Variants in PLCB1 observed in about 807,000 individuals in gnomAD.
PLCB1 encodes 1-phosphatidylinositol 4,5-bisphosphate phosphodiesterase beta-1.
In PLCB1, 46 loss-of-function variants were observed where a neutral mutation model predicts 161.8. The observed-to-expected ratio is 0.28, with a 90% CI of 0.22 to 0.36. The LOEUF (loss-of-function observed/expected upper bound fraction) is 0.36. Among genes scored for constraint, PLCB1 ranks in the 10% least tolerant of loss-of-function variants. The pLI is 1.00. For missense variants in PLCB1, 1,016 were observed against 1,472.5 expected (o/e 0.69, Z 5.07); for synonymous variants, 517 against 503.7 (o/e 1.03, Z -0.35).
chr20:8,459,165 T>C (rs1043662087), intron 3 of PLCB1, among the ~76,000 whole-genome samples: 34 of 152,204 alleles, frequency 2.2e-4, no homozygotes, highest in African/African-American at 7.7e-4. Flanking sequence ...CTTACGCAGC[T>C]AAATTTACAG....
intron 31 of PLCB1, among the ~76,000 whole-genome samples, chr20:8,822,942 A>G (rs946960121): frequency 6.6e-6 from 1 of 152,152 alleles, no homozygotes; most frequent in Non-Finnish European, 1.5e-5. Flanking sequence ...TTGGGGGAAA[A>G]AACGGTGTCT....
At chr20:8,493,092 C>A (rs918021888) in intron 3 of PLCB1, among the ~76,000 whole-genome samples, 2 of 152,088 alleles carry the variant, frequency 1.3e-5, no homozygotes, top group African/African-American at 4.8e-5. Context: ...ACCCCAAGAT[C>A]CCCTTCTGTA....
intron 9 of PLCB1, among the ~76,000 whole-genome samples, chr20:8,662,354 G>GTTTATTATATAATTATGTATAATATA (rs1555781320): frequency 2.0e-4 from 18 of 89,606 alleles, no homozygotes; most frequent in South Asian, 4.2e-4. Context: ...TGTATAATAT[G>GTTTATTATATAATTATGTATAATATA]TAATTATTTA....
intron 31 of PLCB1, among the ~76,000 whole-genome samples, chr20:8,867,597 T>C (rs1987473023): frequency 6.6e-6 from 1 of 152,240 alleles, no homozygotes; most frequent in Admixed American, 6.5e-5. Flanking sequence ...ATTCTTCTGG[T>C]GGTGTCTTTC....
chr20:8,334,249 T>C (rs1985482167), intron 2 of PLCB1, among the ~76,000 whole-genome samples: 3 of 152,116 alleles, frequency 2.0e-5, no homozygotes, highest in Non-Finnish European at 4.4e-5. Context: ...ACATTAGCTT[T>C]AAAGCTAGAT....
intron 31 of PLCB1, among the ~76,000 whole-genome samples, chr20:8,810,718 C>T (rs1450910922): frequency 6.6e-6 from 1 of 152,142 alleles, no homozygotes; most frequent in African/African-American, 2.4e-5. Context: ...AATCCCAGCA[C>T]TTTGGGAGGG....
rs192266055 is a variant in PLCB1, at chr20:8,404,123, T to C, written c.246+32673T>C. On this transcript the variant is annotated intron_variant, in intron 3 of 31. Transcript: ENST00000338037. ...ATAGCAATTAAGATGAATTTTTCTT[T>C]GCAGACAAATTTTATTGAAGGAATA... Among the ~76,000 whole-genome samples the C allele has an allele frequency of 2.6e-5, 4 of 152,322 alleles. No individual in the cohort carries two copies. In the East Asian group the frequency reaches 7.7e-4, roughly 29 times the overall value.
intron 2 of PLCB1, among the ~76,000 whole-genome samples, chr20:8,152,699 G>A (rs943167798): frequency 6.6e-6 from 1 of 151,754 alleles, no homozygotes; most frequent in Non-Finnish European, 1.5e-5. Context: ...TTTTCCATTG[G>A]TTGGGAAGCT....
chr20:8,844,410 G>A (rs1316677746), intron 31 of PLCB1, among the ~76,000 whole-genome samples: 1 of 152,192 alleles, frequency 6.6e-6, no homozygotes, highest in Non-Finnish European at 1.5e-5. Flanking sequence ...GGGCACCACT[G>A]TCCAAGCCCT....
At chr20:8,750,874 T>C in intron 23 of PLCB1, 1 of 1,364,490 alleles carries the variant, frequency 7.3e-7, no homozygotes, top group Non-Finnish European at 9.8e-7. Flanking sequence ...GCCTTACCTC[T>C]TACCCATGTG....
chr20:8,521,352 A>G (rs1316742894), intron 3 of PLCB1, among the ~76,000 whole-genome samples: 2 of 151,828 alleles, frequency 1.3e-5, no homozygotes, highest in Admixed American at 1.3e-4. Flanking sequence ...AAGTAAAGGT[A>G]TTGAGGGCCT....
chr20:8,630,212 G>A (rs1161255204), intron 4 of PLCB1, among the ~76,000 whole-genome samples: 12 of 151,132 alleles, frequency 7.9e-5, no homozygotes, highest in African/African-American at 2.4e-4. Context: ...TCAGCCTGCC[G>A]AATAGCTGGG....
At chr20:8,434,154 CAGTT>C (rs1281469320) in intron 3 of PLCB1, among the ~76,000 whole-genome samples, 5 of 152,264 alleles carry the variant, frequency 3.3e-5, no homozygotes, top group African/African-American at 9.6e-5. Context: ...AGATAGTTGA[CAGTT>C]GGTTAATTCA....
At position 8,240,575 on chromosome 20, in the gene PLCB1, T is replaced by C. The variant is rs377271072; in HGVS notation, c.177+90204T>C. 4.6e-5 allele frequency among the ~76,000 whole-genome samples: 7 copies of C among 152,130 alleles called. No homozygotes were observed. In the East Asian group the frequency reaches 9.7e-4, roughly 21 times the overall value. On this transcript the variant is annotated intron_variant, in intron 2 of 31. Coordinates refer to ENST00000338037, the MANE Select transcript of PLCB1 (RefSeq NM_015192.4). ...TGATGCTGGAATGCACACACCTCCT[T>C]GTGCATAAGTATTGGCCTTCTTTGG...
intron 9 of PLCB1, among the ~76,000 whole-genome samples, chr20:8,664,679 C>T (rs1353892264): frequency 6.6e-6 from 1 of 152,058 alleles, no homozygotes; most frequent in Non-Finnish European, 1.5e-5. Context: ...AGCAAAAAGT[C>T]AAGGTGTTAA....
intron 3 of PLCB1, among the ~76,000 whole-genome samples, chr20:8,526,004 G>A (rs1240058884): frequency 6.6e-6 from 1 of 151,998 alleles, no homozygotes; most frequent in Admixed American, 6.6e-5. Flanking sequence ...AAGAATAGTT[G>A]TTACTTTTGG....
chr20:8,262,742 G>C (rs1179802057), intron 2 of PLCB1, among the ~76,000 whole-genome samples: 1 of 152,206 alleles, frequency 6.6e-6, no homozygotes, highest in African/African-American at 2.4e-5. Context: ...AGGCTGGGAA[G>C]TCTAAGATGA....
chr20:8,450,957 G>T (rs1463696584), intron 3 of PLCB1, among the ~76,000 whole-genome samples: 1 of 152,098 alleles, frequency 6.6e-6, no homozygotes, highest in Non-Finnish European at 1.5e-5. Flanking sequence ...GAAAACATTT[G>T]GCAAATTTGT....
chr20:8,324,832 GC>G (rs1568632555), intron 2 of PLCB1, among the ~76,000 whole-genome samples: 1 of 152,184 alleles, frequency 6.6e-6, no homozygotes, highest in Non-Finnish European at 1.5e-5. Context: ...CCTTGTCACA[GC>G]CACTGCTTCT....
Sources: allele counts gnomAD v4.1 joint callset (sites outside exome capture counted in the v4.1 genomes callset), GRCh38; gene constraint gnomAD v4.1.1; transcripts MANE v1.5; gene names NCBI Gene and HGNC (gene_info 2026-07-23, HGNC 2026-07-21).